Variants in AAK1 observed in about 807,000 individuals in gnomAD.
AAK1 encodes the protein AP2-associated protein kinase 1.
Under a neutral mutation model 116.0 loss-of-function variants are expected in AAK1, and 37 were observed. The observed-to-expected ratio is 0.32, with a 90% confidence interval of 0.25 to 0.42. AAK1 has a LOEUF of 0.42. AAK1 is among the 10% of genes least tolerant of loss of function. The pLI is 1.00. For synonymous variants in AAK1, 458 were observed against 439.9 expected (o/e 1.04, Z -0.51); for missense variants, 919 against 1,170.6 (o/e 0.79, Z 3.14).
chr2:69,557,148 G>C (rs1393839942), intron 2 of AAK1, among the ~76,000 whole-genome samples, 170 bp from the exon 3 acceptor site: 3 of 152,262 alleles, frequency 2.0e-5, no homozygotes, highest in South Asian at 2.1e-4. Context: ...TCAGAACTTG[G>C]AGATATTACT....
intron 2 of AAK1, among the ~76,000 whole-genome samples, chr2:69,558,117 C>G (rs1179685876): frequency 1.3e-5 from 2 of 152,050 alleles, no homozygotes; most frequent in Admixed American, 6.6e-5. Flanking sequence ...CTGAAGCAGG[C>G]AGATCGCTTG....
In AAK1 at chr2:69,473,529, C is replaced by T. The variant is rs181449986; in HGVS notation, c.*2340G>A. ...ATTATCTCCCTTAGGCTTCTACTGC[C>T]GTCTCTGGCTTCTAGTCTGCTCATT... On this transcript the variant is annotated 3_prime_UTR_variant, in exon 22 of 22. Transcript: ENST00000409085. 7.1e-5 allele frequency: 70 copies of T among 985,380 alleles called. No homozygotes were observed. In the African/African-American group the frequency reaches 1.1e-3, roughly 15 times the overall value. The allele number at this position is 985,380 out of a possible 1,614,324, so 61.0% of individuals were successfully genotyped here.
intron 16 of AAK1, among the ~76,000 whole-genome samples, chr2:69,496,462 C>G (rs1572895512): frequency 6.6e-6 from 1 of 152,236 alleles, no homozygotes; most frequent in East Asian, 1.9e-4. Context: ...CAGGGTTTCA[C>G]CATGTTGGTC....
At chr2:69,505,536 G>C in intron 16 of AAK1, 33 bp downstream of exon 16, 15 of 1,578,328 alleles carry the variant, frequency 9.5e-6, no homozygotes, top group Non-Finnish European at 1.0e-5. Context: ...TAACAACAGT[G>C]AACCTCCCGT....
Position 69,466,322 on chromosome 2 carries a change from GC to G in AAK1, c.*9546del. 1 of 1,289,830 alleles carries G rather than the reference GC, an allele frequency of 7.8e-7. No individual in the cohort carries two copies. Among genetic ancestry groups the G allele is most frequent in the South Asian group, 1.2e-5 (1 of 81,026 alleles). 79.9% of individuals were successfully genotyped at this position (1,289,830 alleles called of 1,614,324 possible). ...CCATAAGGAGAGGCCGAGACCCACT[GC>G]AGTCCAGCATGTCTCCTTCAAGGTC... On this transcript the variant is annotated 3_prime_UTR_variant, in exon 22 of 22. Coordinates refer to ENST00000409085, the MANE Select transcript of AAK1 (RefSeq NM_014911.5).
rs1188908731 is a variant in AAK1, at chr2:69,519,110, A to G, written c.1341T>C (p.Ser447=). 2 of 1,555,072 alleles carry G rather than the reference A, an allele frequency of 1.3e-6. No homozygotes were observed. The highest frequency in any genetic ancestry group is 1.7e-6 in the Non-Finnish European group (2 of 1,148,688). The change falls in exon 12 of 22, where the codon TCT becomes TCC. Residue 447 remains serine, a synonymous_variant. Coordinates refer to ENST00000409085, the MANE Select transcript of AAK1 (RefSeq NM_014911.5). ...QAPPTPQQTP[S]TQAQGLPAQA... ...GAGCGGGCAGACCCTGGGCCTGAGT[A>G]GAAGGCGTCTGCTGTGGAGTGGGAG...
rs1264956787 is a variant in AAK1, at chr2:69,462,592, C to T, written c.*13277G>A. The T allele has an allele frequency of 6.6e-6, 1 of 151,654 alleles. No individual in the cohort carries two copies. The highest frequency in any genetic ancestry group is 2.4e-5 in the African/African-American group (1 of 41,186). The allele number at this position is 151,654 out of a possible 1,614,324, so 9.4% of individuals were successfully genotyped here. A position where few individuals can be genotyped will look rare whatever the true frequency, so the allele number is the denominator to read the frequency against. ...TACTCGGGAGGCTGAGGCAGAATCG[C>T]TTGAACTCGGAAAATGGAGGTTGCA... On this transcript the variant is annotated 3_prime_UTR_variant, in exon 22 of 22. Coordinates refer to ENST00000409085, the MANE Select transcript of AAK1 (RefSeq NM_014911.5).
chr2:69,603,234 T>C (rs1420803400), intron 2 of AAK1, among the ~76,000 whole-genome samples: 1 of 152,228 alleles, frequency 6.6e-6, no homozygotes, highest in Non-Finnish European at 1.5e-5. Flanking sequence ...AAAGTAATCA[T>C]GATTATTGTA....
chr2:69,589,988 T>C (rs748833631), intron 2 of AAK1, among the ~76,000 whole-genome samples: 49 of 152,044 alleles, frequency 3.2e-4, no homozygotes, highest in East Asian at 1.2e-3. Context: ...AAAAAATTCA[T>C]AGAAGCTAGC....
chr2:69,492,947 C>T (rs371739801), intron 17 of AAK1, among the ~76,000 whole-genome samples: 16 of 151,842 alleles, frequency 1.1e-4, no homozygotes, highest in African/African-American at 1.9e-4. Flanking sequence ...AGACTACTTG[C>T]TTTTTGCGGG....
At chr2:69,552,279 G>T (rs763415950) in intron 3 of AAK1, among the ~76,000 whole-genome samples, 1 of 152,156 alleles carries the variant, frequency 6.6e-6, no homozygotes, top group African/African-American at 2.4e-5. Flanking sequence ...AGAAAGGCCT[G>T]CAAATGGACC....
At chr2:69,603,044 A>ATG (rs1271796937) in intron 2 of AAK1, among the ~76,000 whole-genome samples, 2 of 152,218 alleles carry the variant, frequency 1.3e-5, no homozygotes, top group African/African-American at 4.8e-5. Context: ...GTAAGGATGA[A>ATG]TGGATGGAGG....
chr2:69,476,032 A>C, intron 21 of AAK1, 69 bp from the exon 22 acceptor site: 1 of 1,504,028 alleles, frequency 6.6e-7, no homozygotes, highest in African/African-American at 1.4e-5. Flanking sequence ...CAGAGCAAGC[A>C]AAGAAGAAAA....
rs993086819 is a variant in AAK1 at position 69,475,388 on chromosome 2, T to C, written c.*481A>G. The C allele has an allele frequency of 2.0e-6, 2 of 989,986 alleles. No homozygotes were observed. The highest frequency in any genetic ancestry group is 1.7e-5 in the African/African-American group (1 of 57,402). 61.3% of individuals were successfully genotyped at this position (989,986 alleles called of 1,614,324 possible). A position where few individuals can be genotyped will look rare whatever the true frequency, so the allele number is the denominator to read the frequency against. On this transcript the variant is annotated 3_prime_UTR_variant, in exon 22 of 22. Transcript: ENST00000409085. Reference sequence around the variant, plus strand: ...TGCCTAGAGTTAAGACCAACTGAAGTAGCCATGTCCTCATGATAATGCATC... The same window carrying C: ...TGCCTAGAGTTAAGACCAACTGAAGCAGCCATGTCCTCATGATAATGCATC...
intron 2 of AAK1, among the ~76,000 whole-genome samples, chr2:69,606,258 T>G (rs964785903): frequency 6.6e-6 from 1 of 152,194 alleles, no homozygotes. Context: ...TGGGTGTCCA[T>G]GTCTTCCCCA....
At chr2:69,492,515 A>ATTTTTTTTT (rs1231383010) in intron 17 of AAK1, among the ~76,000 whole-genome samples, 1 of 78,834 alleles carries the variant, frequency 1.3e-5, no homozygotes. Context: ...TGCCTGGCCA[A>ATTTTTTTTT]TTCTTTTTTT....
intron 17 of AAK1, 128 bp downstream of exon 17, chr2:69,495,857 C>A: frequency 2.8e-6 from 2 of 715,142 alleles, no homozygotes; most frequent in Non-Finnish European, 4.5e-6. Flanking sequence ...TAAAAATATA[C>A]AACAGCAGCC....
At chr2:69,576,501 C>T (rs1269073273) in intron 2 of AAK1, among the ~76,000 whole-genome samples, 3 of 152,098 alleles carry the variant, frequency 2.0e-5, no homozygotes, top group African/African-American at 4.8e-5. Context: ...CTCCCACCCT[C>T]CACCCTCAAG....
At chr2:69,595,427 A>G (rs945919028) in intron 2 of AAK1, among the ~76,000 whole-genome samples, 2 of 152,190 alleles carry the variant, frequency 1.3e-5, no homozygotes, top group African/African-American at 4.8e-5. Context: ...CTTGAAGGAA[A>G]TTTGAAGTGC....
Sources: allele counts gnomAD v4.1 joint callset (sites outside exome capture counted in the v4.1 genomes callset), GRCh38; gene constraint gnomAD v4.1.1; transcripts MANE v1.5; gene names NCBI Gene and HGNC (gene_info 2026-07-23, HGNC 2026-07-21).